COPS7B: variants seen among roughly 807,000 people sequenced by gnomAD.
The protein encoded by COPS7B is COP9 signalosome complex subunit 7b.
Under a neutral mutation model 33.4 loss-of-function variants are expected in COPS7B, and 9 were observed. That is an observed-to-expected ratio of 0.27 (90% CI 0.16 to 0.47). The LOEUF is 0.47. Ranked by LOEUF, COPS7B falls within the 20% of genes least tolerant of loss-of-function variation. The pLI, the probability that COPS7B is intolerant of heterozygous loss-of-function variation, is 0.99. For missense variants in COPS7B, 242 were observed against 318.2 expected (o/e 0.76, Z 1.82); for synonymous variants, 119 against 126.3 (o/e 0.94, Z 0.39).
intron 6 of COPS7B, among the ~76,000 whole-genome samples, chr2:231,802,100 C>T (rs1356309976): frequency 6.6e-6 from 1 of 152,074 alleles, no homozygotes; most frequent in Non-Finnish European, 1.5e-5. Flanking sequence ...TTTGGATGTG[C>T]CTATGTCTGA....
At chr2:231,805,505 C>T (rs959653413) in intron 6 of COPS7B, among the ~76,000 whole-genome samples, 23 of 149,924 alleles carry the variant, frequency 1.5e-4, no homozygotes, top group African/African-American at 5.4e-4. Flanking sequence ...TGCTGTGTCA[C>T]CCAGGCTGGA....
intron 6 of COPS7B, among the ~76,000 whole-genome samples, chr2:231,803,629 C>T (rs2049809875): frequency 6.6e-6 from 1 of 152,154 alleles, no homozygotes; most frequent in Non-Finnish European, 1.5e-5. Flanking sequence ...AAGCTTTTGA[C>T]AGGATCTTGA....
chr2:231,781,934 C>T, upstream of COPS7B: 2 of 1,504,216 alleles, frequency 1.3e-6, no homozygotes, highest in Non-Finnish European at 9.0e-7. Context: ...TGAAAGAGAA[C>T]AAAATGACTT....
intron 2 of COPS7B, 68 bp downstream of exon 2, chr2:231,788,800 T>C: frequency 6.8e-7 from 1 of 1,480,144 alleles, no homozygotes; most frequent in South Asian, 1.2e-5. Context: ...TTCCAAAGAA[T>C]TTCAGTGCTG....
In COPS7B at chr2:231,799,186, A is replaced by G. The variant is rs79974368; in HGVS notation, c.636+222A>G. Among the ~76,000 whole-genome samples the G allele has an allele frequency of 3.9e-5, 6 of 152,288 alleles. No homozygotes were observed. In the East Asian group the frequency reaches 1.2e-3, roughly 29 times the overall value. On this transcript the variant is annotated intron_variant, in intron 6 of 6. Transcript: ENST00000350033. Reference sequence around the variant, plus strand: ...ATTCCTGGTCAGCATAGGGTGATCAATCAGGCTTGGAGAACAGAGAATGTT... The same window carrying G: ...ATTCCTGGTCAGCATAGGGTGATCAGTCAGGCTTGGAGAACAGAGAATGTT...
chr2:231,796,603 C>G (rs567928878), intron 5 of COPS7B, among the ~76,000 whole-genome samples: 1 of 152,194 alleles, frequency 6.6e-6, no homozygotes, highest in Non-Finnish European at 1.5e-5. Flanking sequence ...GCCTATGTGT[C>G]CTAGCTGTGT....
chr2:231,782,017 G>A, upstream of COPS7B: 1 of 769,116 alleles, frequency 1.3e-6, no homozygotes, highest in South Asian at 1.7e-5. Context: ...TGTATTCCTG[G>A]TTTGCACCGG....
intron 1 of COPS7B, 52 bp downstream of exon 1, chr2:231,786,590 C>A (rs933429053): frequency 6.8e-6 from 6 of 886,518 alleles, no homozygotes; most frequent in Non-Finnish European, 8.1e-6. Context: ...CCAGGCTCGG[C>A]CAGACGATCC....
intron 6 of COPS7B, among the ~76,000 whole-genome samples, chr2:231,801,916 A>G (rs1026592933): frequency 5.9e-5 from 9 of 152,138 alleles, no homozygotes; most frequent in African/African-American, 1.9e-4. Flanking sequence ...CTGGGATTAC[A>G]GGTGCCCGCC....
At chr2:231,788,904 A>G (rs920013754) in intron 2 of COPS7B, 172 bp downstream of exon 2, 3 of 557,458 alleles carry the variant, frequency 5.4e-6, no homozygotes, top group African/African-American at 3.8e-5. Flanking sequence ...GGCTCCTTTT[A>G]TCCAGTATTT....
In COPS7B at chr2:231,808,843, T is replaced by TGTGTGTGTGTGTGTG. The variant is rs768085229; in HGVS notation, c.*1198_*1199insGTGTGTGTGTGTGTG. On this transcript the variant is annotated 3_prime_UTR_variant, in exon 7 of 7. Coordinates refer to ENST00000350033, the MANE Select transcript of COPS7B (RefSeq NM_022730.4). ...TGTGTGTGTGTGTGTGTGTGTGTGT[T>TGTGTGTGTGTGTGTG]TGTAGGTCCTGGACTGATTAAAGTT... is the stretch of plus-strand genomic sequence containing the variant. The TGTGTGTGTGTGTGTG allele has an allele frequency of 9.8e-6, 1 of 102,010 alleles. No individual in the cohort carries two copies. Among genetic ancestry groups the TGTGTGTGTGTGTGTG allele is most frequent in the African/African-American group, 5.8e-5 (1 of 17,252 alleles). The allele number at this position is 102,010 out of a possible 1,614,324, so 6.3% of individuals were successfully genotyped here. A position where few individuals can be genotyped will look rare whatever the true frequency, so the allele number is the denominator to read the frequency against.
chr2:231,785,660 T>TA (rs1416777857), upstream of COPS7B, among the ~76,000 whole-genome samples: 1 of 152,254 alleles, frequency 6.6e-6, no homozygotes, highest in Non-Finnish European at 1.5e-5. Flanking sequence ...CCTGTCTCAT[T>TA]TCTGCATTCT....
upstream of COPS7B, among the ~76,000 whole-genome samples, chr2:231,782,987 C>T (rs558241402): frequency 6.6e-6 from 1 of 152,310 alleles, no homozygotes; most frequent in Admixed American, 6.5e-5. Context: ...GAGATAATCA[C>T]TCTTCTGACT....
chr2:231,801,172 C>T (rs2049734225), intron 6 of COPS7B: 2 of 1,550,472 alleles, frequency 1.3e-6, no homozygotes, highest in Non-Finnish European at 1.7e-6. Flanking sequence ...AACGTGATGT[C>T]CCCCTCCTGA....
At chr2:231,792,451 C>A (rs754988360) in intron 3 of COPS7B, among the ~76,000 whole-genome samples, 10 of 152,118 alleles carry the variant, frequency 6.6e-5, no homozygotes, top group Non-Finnish European at 1.0e-4. Context: ...GAGATTGCAC[C>A]GCTGTACTCC....
At chr2:231,788,467 AGTATT>A in intron 1 of COPS7B, 83 bp from the exon 2 acceptor site, 1 of 1,221,346 alleles carries the variant, frequency 8.2e-7, no homozygotes, top group Admixed American at 2.2e-5. Flanking sequence ...ATAAAAGTAA[AGTATT>A]CTGGTGTTTG....
At chr2:231,788,365 A>C (rs1038882751) in intron 1 of COPS7B, among the ~76,000 whole-genome samples, 190 bp from the exon 2 acceptor site, 1 of 151,894 alleles carries the variant, frequency 6.6e-6, no homozygotes, top group East Asian at 1.9e-4. Context: ...CGAACTCCTC[A>C]CCTCAGGTGA....
At chr2:231,807,325 G>A (rs991245967) in intron 6 of COPS7B, among the ~76,000 whole-genome samples, 162 bp from the exon 7 acceptor site, 2 of 152,144 alleles carry the variant, frequency 1.3e-5, no homozygotes. Flanking sequence ...CAAATCTGCT[G>A]TGAGTAGCCC....
chr2:231,787,641 G>A (rs182469213), intron 1 of COPS7B, among the ~76,000 whole-genome samples: 20 of 152,214 alleles, frequency 1.3e-4, no homozygotes, highest in African/African-American at 4.6e-4. Flanking sequence ...GCCGAATACA[G>A]GGATTTTTCC....
Sources: allele counts gnomAD v4.1 joint callset (sites outside exome capture counted in the v4.1 genomes callset), GRCh38; gene constraint gnomAD v4.1.1; transcripts MANE v1.5; gene names NCBI Gene and HGNC (gene_info 2026-07-23, HGNC 2026-07-21).